The following LMX1A variants were observed in gnomAD, a reference collection of about 807,000 sequenced individuals.
The protein encoded by LMX1A is LIM homeobox transcription factor 1 alpha, also known as LIM homeobox transcription factor 1-alpha.
A neutral mutation model predicts 49.1 loss-of-function variants in LMX1A; 15 were observed. The ratio of observed to expected loss-of-function variants is 0.31; its 90% CI spans 0.20 to 0.47. LMX1A has a LOEUF of 0.47. Among genes scored for constraint, LMX1A ranks in the 20% least tolerant of loss-of-function variants. LMX1A has a pLI of 1.00. For missense variants in LMX1A, 372 were observed against 475.8 expected (o/e 0.78, Z 2.03); for synonymous variants, 167 against 185.7 (o/e 0.90, Z 0.82).
rs1213495661 is a variant in LMX1A at position 165,243,724 on chromosome 1, T to C, written c.496+5684A>G. Among the ~76,000 whole-genome samples, 3 of 152,222 alleles carry C rather than the reference T, an allele frequency of 2.0e-5. No homozygotes were observed. In the East Asian group the frequency reaches 5.8e-4, roughly 29 times the overall value. On this transcript the variant is annotated intron_variant, in intron 4 of 8. Coordinates refer to ENST00000342310, the MANE Select transcript of LMX1A (RefSeq NM_177398.4). ...GCCAAGACCATGGTTTGAGTTTACA[T>C]ACGGAGACCGATGTTGGAATTCAAT... is the stretch of plus-strand genomic sequence containing the variant.
At position 165,203,418 on chromosome 1, in the gene LMX1A, G is replaced by A. The variant is rs1385701524; in HGVS notation, c.*462C>T. Reference sequence around the variant, plus strand: ...TAAAGTTACTTTTGCTGTACAGTTGGTGTCTGTTATAATTAGGAATAAACT... The same window carrying A: ...TAAAGTTACTTTTGCTGTACAGTTGATGTCTGTTATAATTAGGAATAAACT... On this transcript the variant is annotated 3_prime_UTR_variant, in exon 9 of 9. Transcript: ENST00000342310. 6.5e-6 allele frequency: 1 copy of A among 153,034 alleles called. No homozygotes were observed. The highest frequency in any genetic ancestry group is 1.5e-5 in the Non-Finnish European group (1 of 68,384). 9.5% of individuals were successfully genotyped at this position (153,034 alleles called of 1,614,324 possible).
At chr1:165,305,378 A>T (rs1199902538) in intron 3 of LMX1A, among the ~76,000 whole-genome samples, 1 of 152,188 alleles carries the variant, frequency 6.6e-6, no homozygotes, top group Non-Finnish European at 1.5e-5. Context: ...CTTATGACAT[A>T]TAACACCATC....
At chr1:165,236,008 C>T (rs1411774349) in intron 4 of LMX1A, among the ~76,000 whole-genome samples, 1 of 152,222 alleles carries the variant, frequency 6.6e-6, no homozygotes, top group Non-Finnish European at 1.5e-5. Flanking sequence ...GGTCCCGCAG[C>T]CCGGCCCGAG....
intron 3 of LMX1A, among the ~76,000 whole-genome samples, chr1:165,311,874 G>A (rs1214554354): frequency 1.3e-5 from 2 of 152,128 alleles, no homozygotes; most frequent in African/African-American, 2.4e-5. Flanking sequence ...GTTCACGATG[G>A]CTGAGAGCTC....
At chr1:165,258,588 T>C (rs1465457963) in intron 3 of LMX1A, among the ~76,000 whole-genome samples, 1 of 152,114 alleles carries the variant, frequency 6.6e-6, no homozygotes, top group Non-Finnish European at 1.5e-5. Context: ...AGGAGGACCA[T>C]ACAATGGGAT....
chr1:165,205,487 A>C (rs1339079461), intron 8 of LMX1A, among the ~76,000 whole-genome samples: 5 of 152,080 alleles, frequency 3.3e-5, no homozygotes, highest in African/African-American at 1.2e-4. Flanking sequence ...TGTGCTTTTT[A>C]TTTCTTTTCT....
At chr1:165,293,126 AC>A (rs1296892204) in intron 3 of LMX1A, among the ~76,000 whole-genome samples, 2 of 151,800 alleles carry the variant, frequency 1.3e-5, no homozygotes, top group Non-Finnish European at 2.9e-5. Context: ...AAAAAAAAAA[AC>A]AAAACAAAAC....
rs1460369726 is a variant in LMX1A at position 165,206,027 on chromosome 1, T to C, written c.825A>G (p.Thr275=). ...QNTQRLSSAQ[T]NGGGSAGMEG... ...CCATCCCAGCACTCCCACCACCGTT[T>C]GTCTGAGCTGTGGAACAAAGAAGAA... Residue 275 remains threonine (T), a synonymous_variant, in exon 8 of 9, where the codon ACA becomes ACG. Transcript: ENST00000342310. 2 of 1,553,620 alleles carry C rather than the reference T, an allele frequency of 1.3e-6. No homozygotes were observed. Among genetic ancestry groups the C allele is most frequent in the African/African-American group, 2.8e-5 (2 of 72,298 alleles).
At chr1:165,319,700 A>T (rs1375488973) in intron 3 of LMX1A, among the ~76,000 whole-genome samples, 1 of 152,174 alleles carries the variant, frequency 6.6e-6, no homozygotes, top group Non-Finnish European at 1.5e-5. Flanking sequence ...CACATCATAT[A>T]AATAGGCAAA....
At chr1:165,228,426 C>G (rs1652111859) in intron 4 of LMX1A, among the ~76,000 whole-genome samples, 1 of 152,170 alleles carries the variant, frequency 6.6e-6, no homozygotes, top group Admixed American at 6.5e-5. Context: ...ACCTCATCAG[C>G]CATCTAATCA....
intron 3 of LMX1A, among the ~76,000 whole-genome samples, chr1:165,345,698 C>G (rs888175945): frequency 4.6e-5 from 7 of 152,210 alleles, no homozygotes; most frequent in Admixed American, 2.6e-4. Context: ...GAGCCCCACC[C>G]AACTGAGTGG....
intron 3 of LMX1A, among the ~76,000 whole-genome samples, chr1:165,317,260 A>G (rs777557530): frequency 6.6e-6 from 1 of 152,246 alleles, no homozygotes; most frequent in Non-Finnish European, 1.5e-5. Context: ...GCAACTATCC[A>G]TAGATAGAAT....
At chr1:165,239,077 AT>A (rs371407121) in intron 4 of LMX1A, among the ~76,000 whole-genome samples, 151,892 of 152,334 alleles carry the variant, frequency 1, 75,725 homozygotes, top group Middle Eastern at 1. Context: ...TGAAAAAATC[AT>A]GATGTGATCA....
chr1:165,313,492 T>TA (rs58909041), intron 3 of LMX1A, among the ~76,000 whole-genome samples: 2 of 118,622 alleles, frequency 1.7e-5, no homozygotes, highest in Non-Finnish European at 3.9e-5. Flanking sequence ...TTTTTTTTTT[T>TA]GTTGTTGTTG....
intron 3 of LMX1A, among the ~76,000 whole-genome samples, chr1:165,288,486 G>A (rs772065549): frequency 2.0e-5 from 3 of 152,102 alleles, no homozygotes; most frequent in African/African-American, 7.2e-5. Flanking sequence ...GGCTGCCACC[G>A]GGAACTACAA....
chr1:165,333,424 G>A (rs559315645), intron 3 of LMX1A, among the ~76,000 whole-genome samples: 1 of 152,266 alleles, frequency 6.6e-6, no homozygotes, highest in African/African-American at 2.4e-5. Flanking sequence ...CTCCCAAAGT[G>A]CTGAGATTAC....
At chr1:165,228,902 T>C (rs1557856253) in intron 4 of LMX1A, among the ~76,000 whole-genome samples, 2 of 152,178 alleles carry the variant, frequency 1.3e-5, no homozygotes, top group Non-Finnish European at 2.9e-5. Context: ...ATCATCTTGC[T>C]TGCAGAGCTG....
chr1:165,313,653 A>C (rs1655140284), intron 3 of LMX1A, among the ~76,000 whole-genome samples: 1 of 152,070 alleles, frequency 6.6e-6, no homozygotes, highest in African/African-American at 2.4e-5. Context: ...AGCAGTTACC[A>C]GAGCCCACGA....
chr1:165,282,713 C>T (rs1654190675), intron 3 of LMX1A, among the ~76,000 whole-genome samples: 1 of 152,128 alleles, frequency 6.6e-6, no homozygotes, highest in African/African-American at 2.4e-5. Context: ...CTAGGAGTCA[C>T]CTTTGGTTCC....
Sources: gnomAD v4.1 joint callset for allele counts (sites outside exome capture counted in the v4.1 genomes callset) on GRCh38, gnomAD v4.1.1 for gene constraint, MANE v1.5 for transcripts, NCBI Gene and HGNC (gene_info 2026-07-23, HGNC 2026-07-21) for gene names.